The following ZFAND3 variants were observed in gnomAD, a reference collection of about 807,000 sequenced individuals.
The protein encoded by ZFAND3 is zinc finger AN1-type containing 3.
In ZFAND3, 10 loss-of-function variants were observed where a neutral mutation model predicts 29.6. That is an observed-to-expected ratio of 0.34 (90% confidence interval 0.21 to 0.57). The LOEUF (loss-of-function observed/expected upper bound fraction) is 0.57. Among genes scored for constraint, ZFAND3 ranks in the 20% least tolerant of loss-of-function variants. ZFAND3 has a pLI of 0.86. For missense variants in ZFAND3, 230 were observed against 304.5 expected (o/e 0.76, Z 1.82); for synonymous variants, 128 against 112.6 (o/e 1.14, Z -0.87).
chr6:38,108,686 G>A (rs1183018521), intron 4 of ZFAND3, among the ~76,000 whole-genome samples: 1 of 152,166 alleles, frequency 6.6e-6, no homozygotes, highest in Non-Finnish European at 1.5e-5. Context: ...ATTGGATGGT[G>A]CCTACCCACA....
In ZFAND3 at chr6:37,834,697, T is replaced by C. The variant is rs868721492; in HGVS notation, c.71+14681T>C. On this transcript the variant is annotated intron_variant, in intron 1 of 5. Coordinates refer to ENST00000287218, the MANE Select transcript of ZFAND3 (RefSeq NM_021943.3). ...GCTGACACTATATGATACATATGCA[T>C]ATATCATTATGTATATATAATGATA... Among the ~76,000 whole-genome samples, 23 of 152,210 alleles carry C rather than the reference T, an allele frequency of 1.5e-4. No homozygotes were observed. In the Middle Eastern group the frequency reaches 0.014, roughly 90 times the overall value.
At chr6:38,083,847 C>G (rs983798123) in intron 4 of ZFAND3, among the ~76,000 whole-genome samples, 1 of 151,984 alleles carries the variant, frequency 6.6e-6, no homozygotes, top group East Asian at 1.9e-4. Flanking sequence ...GATCTGTTTC[C>G]TCCTCTCTGA....
At chr6:37,836,516 A>G (rs1763971404) in intron 1 of ZFAND3, among the ~76,000 whole-genome samples, 1 of 152,178 alleles carries the variant, frequency 6.6e-6, no homozygotes, top group East Asian at 1.9e-4. Context: ...TCAAGTTAAG[A>G]TGATAATTGA....
At chr6:37,847,419 C>G (rs930831447) in intron 1 of ZFAND3, among the ~76,000 whole-genome samples, 12 of 151,922 alleles carry the variant, frequency 7.9e-5, no homozygotes, top group Non-Finnish European at 5.9e-5. Context: ...ACTAAAAATA[C>G]AAAAATTAGC....
At chr6:38,041,623 ATCTACTTTTTCT>A (rs750701647) in intron 2 of ZFAND3, among the ~76,000 whole-genome samples, 1,933 of 102,128 alleles carry the variant, frequency 0.019, 140 homozygotes, top group Non-Finnish European at 0.026. Flanking sequence ...CTGTTTTTTT[ATCTACTTTTTCT>A]TCTTCTTCTT....
At chr6:37,868,322 T>C (rs1333092826) in intron 1 of ZFAND3, among the ~76,000 whole-genome samples, 2 of 151,546 alleles carry the variant, frequency 1.3e-5, no homozygotes, top group African/African-American at 2.4e-5. Context: ...GCAGTGGGAG[T>C]GTAGAGAGAG....
chr6:37,891,282 A>T (rs1049947630), intron 1 of ZFAND3, among the ~76,000 whole-genome samples: 2 of 152,126 alleles, frequency 1.3e-5, no homozygotes, highest in East Asian at 1.9e-4. Flanking sequence ...TAATTCCATT[A>T]TATGGTTGTT....
intron 4 of ZFAND3, among the ~76,000 whole-genome samples, chr6:38,111,934 G>A (rs1765328935): frequency 6.6e-6 from 1 of 152,168 alleles, no homozygotes. Context: ...GAGCATCTAT[G>A]GAATTTGGTA....
chr6:37,913,094 G>T (rs1441424261), intron 1 of ZFAND3, among the ~76,000 whole-genome samples: 1 of 152,166 alleles, frequency 6.6e-6, no homozygotes, highest in Non-Finnish European at 1.5e-5. Context: ...GCTGGTGGAG[G>T]ATTTTCCCTT....
rs61090283 is a variant in ZFAND3, at chr6:37,875,165, G to T, written c.72-54794G>T. On this transcript the variant is annotated intron_variant, in intron 1 of 5. Coordinates refer to ENST00000287218, the MANE Select transcript of ZFAND3 (RefSeq NM_021943.3). ...GTCTTCTCAGACATTTAGAATTCAGGTTCAAATACCATTTTTGTGTTATTT... is the reference window on the plus strand; with the variant it reads ...GTCTTCTCAGACATTTAGAATTCAGTTTCAAATACCATTTTTGTGTTATTT... Among the ~76,000 whole-genome samples the T allele has an allele frequency of 0.016, 2,413 of 152,242 alleles. 249 individuals carry two copies. In the East Asian group the frequency reaches 0.28, roughly 18 times the overall value.
At chr6:37,863,119 T>G (rs1258395155) in intron 1 of ZFAND3, among the ~76,000 whole-genome samples, 1 of 152,162 alleles carries the variant, frequency 6.6e-6, no homozygotes, top group Non-Finnish European at 1.5e-5. Context: ...CGCTGACACT[T>G]TGATCAAGAC....
chr6:37,861,083 C>T (rs1191716208), intron 1 of ZFAND3, among the ~76,000 whole-genome samples: 1 of 151,940 alleles, frequency 6.6e-6, no homozygotes, highest in Admixed American at 6.6e-5. Flanking sequence ...ATGGTGAAAC[C>T]CTGTTTTTAC....
intron 2 of ZFAND3, among the ~76,000 whole-genome samples, chr6:38,024,915 A>C (rs1763419883): frequency 6.6e-6 from 1 of 152,232 alleles, no homozygotes. Flanking sequence ...AAATGCACTA[A>C]ATGCCACTGA....
At chr6:37,850,674 T>G (rs1456755624) in intron 1 of ZFAND3, among the ~76,000 whole-genome samples, 1 of 152,168 alleles carries the variant, frequency 6.6e-6, no homozygotes, top group Non-Finnish European at 1.5e-5. Context: ...CATCAAGGTT[T>G]TTCTAAGTAC....
chr6:37,841,260 C>T (rs1764068161), intron 1 of ZFAND3, among the ~76,000 whole-genome samples: 1 of 152,078 alleles, frequency 6.6e-6, no homozygotes, highest in African/African-American at 2.4e-5. Context: ...CTGATTTTCT[C>T]CTCCCCCATA....
At chr6:37,829,144 C>CTGT (rs1763813771) in intron 1 of ZFAND3, among the ~76,000 whole-genome samples, 1 of 152,060 alleles carries the variant, frequency 6.6e-6, no homozygotes, top group African/African-American at 2.4e-5. Flanking sequence ...AAGTGGAGAA[C>CTGT]TGTTCTGTGG....
At chr6:37,952,885 G>A (rs1762022071) in intron 2 of ZFAND3, among the ~76,000 whole-genome samples, 1 of 151,052 alleles carries the variant, frequency 6.6e-6, no homozygotes, top group South Asian at 2.1e-4. Context: ...TGCTTGGAGT[G>A]TGCTGGTCTT....
chr6:38,076,379 C>T (rs757242775), intron 3 of ZFAND3, among the ~76,000 whole-genome samples: 2 of 152,064 alleles, frequency 1.3e-5, no homozygotes, highest in East Asian at 3.8e-4. Context: ...TTACAGTGGT[C>T]TGGAACCAAA....
chr6:38,105,322 T>C (rs529608961), intron 4 of ZFAND3, among the ~76,000 whole-genome samples: 14 of 152,118 alleles, frequency 9.2e-5, no homozygotes, highest in Non-Finnish European at 1.6e-4. Flanking sequence ...GGAGGATCGC[T>C]TGAGCCCAGG....
Sources: allele counts gnomAD v4.1 joint callset (sites outside exome capture counted in the v4.1 genomes callset), GRCh38; gene constraint gnomAD v4.1.1; transcripts MANE v1.5; gene names NCBI Gene and HGNC (gene_info 2026-07-23, HGNC 2026-07-21).